RNF180: variants seen among roughly 807,000 people sequenced by gnomAD.
RNF180 encodes the protein ring finger protein 180.
A neutral mutation model predicts 59.2 loss-of-function variants in RNF180; 38 were observed. The observed-to-expected ratio is 0.64, with a 90% confidence interval of 0.50 to 0.84. RNF180 has a LOEUF of 0.84. RNF180 is among the 40% of genes least tolerant of loss of function. The pLI is 0.00. For synonymous variants in RNF180, 262 were observed against 240.3 expected (o/e 1.09, Z -0.84); for missense variants, 705 against 700.9 (o/e 1.01, Z -0.07).
At chr5:64,296,657 C>CAA (rs57855322) in intron 5 of RNF180, among the ~76,000 whole-genome samples, 9 of 142,174 alleles carry the variant, frequency 6.3e-5, no homozygotes, top group African/African-American at 1.0e-4. Flanking sequence ...TTCCTAGGGT[C>CAA]AAAAAAAAAA....
chr5:64,297,067 T>C (rs370001031), intron 5 of RNF180, among the ~76,000 whole-genome samples: 2 of 152,130 alleles, frequency 1.3e-5, no homozygotes, highest in South Asian at 2.1e-4. Flanking sequence ...ATAAATATTA[T>C]AGAATTCCAG....
chr5:64,316,970 A>G (rs1744072520), intron 5 of RNF180, among the ~76,000 whole-genome samples: 1 of 152,236 alleles, frequency 6.6e-6, no homozygotes. Context: ...CAGATATATG[A>G]AAAGTCAGCC....
chr5:64,347,828 C>T (rs1272505880), intron 7 of RNF180, among the ~76,000 whole-genome samples: 1 of 152,112 alleles, frequency 6.6e-6, no homozygotes, highest in East Asian at 1.9e-4. Context: ...ATGTTATTCA[C>T]TCAAAAATAA....
chr5:64,221,534 A>G (rs1049029342), intron 5 of RNF180, among the ~76,000 whole-genome samples: 15 of 152,146 alleles, frequency 9.9e-5, no homozygotes, highest in African/African-American at 3.6e-4. Flanking sequence ...TGATAATTCT[A>G]ATTTTATTCT....
intron 5 of RNF180, among the ~76,000 whole-genome samples, chr5:64,248,049 A>G (rs1464996644): frequency 1.3e-5 from 2 of 152,240 alleles, no homozygotes; most frequent in Non-Finnish European, 2.9e-5. Flanking sequence ...GAAACTAGCT[A>G]GCCATACGCA....
chr5:64,325,337 T>A lies in RNF180; in HGVS notation c.1379T>A (p.Leu460Gln). The A allele has an allele frequency of 6.4e-7, 1 of 1,551,726 alleles. No homozygotes were observed. ...TTCTGTGAGCCCTGCTTACGGACTC[T>A]GGCCAAAGACAATCCTTCAAGCACT... Reference protein sequence around the residue: ...HIFCEPCLRTLAKDNPSSTPC... With the variant: ...HIFCEPCLRTQAKDNPSSTPC... The change falls in exon 6 of 8, where the codon CTG becomes CAG. Residue 460 changes from leucine to glutamine, a missense_variant. Coordinates refer to ENST00000389100, the MANE Select transcript of RNF180 (RefSeq NM_001113561.2).
intron 5 of RNF180, among the ~76,000 whole-genome samples, chr5:64,227,356 G>A (rs1741830778): frequency 1.3e-5 from 2 of 152,198 alleles, no homozygotes; most frequent in Admixed American, 1.3e-4. Flanking sequence ...CCCAACAGAA[G>A]GCTGTGGGTA....
At chr5:64,226,390 G>A (rs1303355079) in intron 5 of RNF180, among the ~76,000 whole-genome samples, 1 of 152,168 alleles carries the variant, frequency 6.6e-6, no homozygotes, top group Admixed American at 6.5e-5. Context: ...TGAAACATGT[G>A]CTGTGTCAAC....
intron 1 of RNF180, among the ~76,000 whole-genome samples, chr5:64,193,213 T>A (rs1490541894): frequency 6.6e-6 from 1 of 151,896 alleles, no homozygotes; most frequent in Non-Finnish European, 1.5e-5. Context: ...TGATGTGCAA[T>A]ATATTACCTA....
rs1271339195 is a variant in RNF180, at chr5:64,342,516, T to C, written c.1579+12110T>C. Among the ~76,000 whole-genome samples the C allele has an allele frequency of 5.9e-5, 9 of 152,256 alleles. No individual in the cohort carries two copies. In the East Asian group the frequency reaches 1.7e-3, roughly 29 times the overall value. On this transcript the variant is annotated intron_variant, in intron 7 of 7. Transcript: ENST00000389100. ...TTGGGAGTAAAAAAGGCTTAAAAAG[T>C]TGGCTAAAAAAGACAGAATGAAATC...
Position 64,165,883 on chromosome 5 carries a change from G to C in RNF180, c.-71G>C, listed in dbSNP as rs1319225624. 1 of 152,270 alleles carries C rather than the reference G, an allele frequency of 6.6e-6. No homozygotes were observed. The highest frequency in any genetic ancestry group is 2.4e-5 in the African/African-American group (1 of 41,434). 9.4% of individuals were successfully genotyped at this position (152,270 alleles called of 1,614,324 possible). On this transcript the variant is annotated 5_prime_UTR_variant, in exon 1 of 8. Coordinates refer to ENST00000389100, the MANE Select transcript of RNF180 (RefSeq NM_001113561.2). ...CCGCCGGAGCCGCAGCGAGTCCTCA[G>C]AGCCTGGCTGCTGGCGGCCGGGAGC...
intron 5 of RNF180, among the ~76,000 whole-genome samples, chr5:64,297,145 A>G (rs1742922178): frequency 2.0e-5 from 3 of 152,178 alleles, no homozygotes; most frequent in Non-Finnish European, 4.4e-5. Context: ...ATAAATTTAA[A>G]TTACTCTGAT....
At chr5:64,167,255 A>G (rs1023616867) in intron 1 of RNF180, among the ~76,000 whole-genome samples, 4 of 152,216 alleles carry the variant, frequency 2.6e-5, no homozygotes, top group Admixed American at 2.0e-4. Flanking sequence ...TCAAAAATTT[A>G]GGAGAATAGT....
At chr5:64,273,443 G>A (rs1286388031) in intron 5 of RNF180, among the ~76,000 whole-genome samples, 1 of 151,904 alleles carries the variant, frequency 6.6e-6, no homozygotes, top group East Asian at 1.9e-4. Context: ...AAAAGAGAAG[G>A]CAGCTTAAGA....
At chr5:64,327,784 C>T (rs1158066424) in intron 6 of RNF180, among the ~76,000 whole-genome samples, 3 of 152,206 alleles carry the variant, frequency 2.0e-5, no homozygotes, top group Non-Finnish European at 4.4e-5. Flanking sequence ...TCTGCTAAGT[C>T]CATTGGGTCT....
chr5:64,256,315 T>A (rs936435012), intron 5 of RNF180, among the ~76,000 whole-genome samples: 1 of 152,146 alleles, frequency 6.6e-6, no homozygotes, highest in Non-Finnish European at 1.5e-5. Flanking sequence ...GTTTTCTTCT[T>A]CGGTTTTTAT....
chr5:64,357,188 T>C (rs547604424), intron 7 of RNF180, among the ~76,000 whole-genome samples: 1 of 151,978 alleles, frequency 6.6e-6, no homozygotes, highest in Non-Finnish European at 1.5e-5. Flanking sequence ...TACTTTTTAC[T>C]CTAGGAGCCT....
rs181999524 is a variant in RNF180 at position 64,205,386 on chromosome 5, A to G, written c.135+4444A>G. 3.3e-5 allele frequency among the ~76,000 whole-genome samples: 5 copies of G among 152,320 alleles called. No homozygotes were observed. The East Asian group carries it at 7.7e-4, about 24-fold the overall frequency. On this transcript the variant is annotated intron_variant, in intron 2 of 7. Transcript: ENST00000389100. ...AAAGGGGGACTTCGACCTTGCATCC[A>G]GACCTGAGATAGATGAAATGTGGGC...
chr5:64,360,702 A>G (rs1448962250), intron 7 of RNF180, among the ~76,000 whole-genome samples: 1 of 151,764 alleles, frequency 6.6e-6, no homozygotes, highest in African/African-American at 2.4e-5. Flanking sequence ...ATTTTACCCT[A>G]TTCGTAAGCT....
Sources: allele counts gnomAD v4.1 joint callset (sites outside exome capture counted in the v4.1 genomes callset), GRCh38; gene constraint gnomAD v4.1.1; transcripts MANE v1.5; gene names NCBI Gene and HGNC (gene_info 2026-07-23, HGNC 2026-07-21).